CFAP57: variants seen among roughly 807,000 people sequenced by gnomAD.
CFAP57 encodes cilia and flagella associated protein 57, also known as cilia- and flagella-associated protein 57.
Under a neutral mutation model 146.8 loss-of-function variants are expected in CFAP57, and 116 were observed. The ratio of observed to expected loss-of-function variants is 0.79; its 90% CI spans 0.68 to 0.92. The LOEUF (loss-of-function observed/expected upper bound fraction) is 0.92. Ranked by LOEUF, CFAP57 falls within the 40% of genes least tolerant of loss-of-function variation. The pLI, the probability that CFAP57 is intolerant of heterozygous loss-of-function variation, is 0.00. For missense variants in CFAP57, 1,377 were observed against 1,527.2 expected, an observed-to-expected ratio of 0.90 and a Z score of 1.64; for synonymous variants, 518 against 552.8, an observed-to-expected ratio of 0.94 and a Z score of 0.88.
chr1:43,219,556 C>G lies in CFAP57; in HGVS notation c.2247+19C>G. ...AAACCAGGTCTGTTTAAGAGACTGA[C>G]CAACAAGCACAAATAACAAGAAATT... is the stretch of plus-strand genomic sequence containing the variant. On this transcript the variant is annotated intron_variant, in intron 13 of 22. Transcript: ENST00000372492. The G allele has an allele frequency of 6.5e-7, 1 of 1,550,128 alleles. No individual in the cohort carries two copies. Among genetic ancestry groups the G allele is most frequent in the Non-Finnish European group, 8.7e-7 (1 of 1,146,840 alleles).
chr1:43,179,896 ATTAAAAAATGT>A (rs781769674), intron 2 of CFAP57, among the ~76,000 whole-genome samples: 3 of 151,952 alleles, frequency 2.0e-5, no homozygotes, highest in Non-Finnish European at 4.4e-5. Flanking sequence ...CCCCTCCTTC[ATTAAAAAATGT>A]TTAAAAATAT....
chr1:43,185,596 C>T (rs1259938400), intron 5 of CFAP57, among the ~76,000 whole-genome samples: 4 of 148,518 alleles, frequency 2.7e-5, no homozygotes, highest in African/African-American at 1.0e-4. Flanking sequence ...AATCCCAGCA[C>T]TTTGGGAGGC....
intron 22 of CFAP57, among the ~76,000 whole-genome samples, chr1:43,248,800 C>G (rs1331777418): frequency 2.0e-5 from 3 of 152,034 alleles, no homozygotes; most frequent in Non-Finnish European, 4.4e-5. Flanking sequence ...AGCAAGAAAT[C>G]CTGAACTATC....
Position 43,172,406 on chromosome 1 carries a change from G to C in CFAP57, c.-67G>C, listed in dbSNP as rs1644997601. The C allele has an allele frequency of 6.4e-7, 1 of 1,551,486 alleles. No homozygotes were observed. Among genetic ancestry groups the C allele is most frequent in the African/African-American group, 1.4e-5 (1 of 73,080 alleles). On this transcript the variant is annotated 5_prime_UTR_variant, in exon 1 of 23. Coordinates refer to ENST00000372492, the MANE Select transcript of CFAP57 (RefSeq NM_001378189.1). ...GGGTTGCTTAGGATCCCTACAGGTA[G>C]CGCCTCTGGATACATGCGTGGTCTG... is the stretch of plus-strand genomic sequence containing the variant.
chr1:43,235,543 C>T (rs1042144163), intron 21 of CFAP57, among the ~76,000 whole-genome samples: 5 of 152,154 alleles, frequency 3.3e-5, no homozygotes, highest in South Asian at 4.1e-4. Context: ...CTGGGCAGAG[C>T]GCACTGTGAT....
intron 2 of CFAP57, 87 bp from the exon 3 acceptor site, chr1:43,181,447 C>G: frequency 6.7e-7 from 1 of 1,497,610 alleles, no homozygotes; most frequent in Non-Finnish European, 9.2e-7. Flanking sequence ...ACTGTCCACT[C>G]CAGTGCCCAC....
intron 9 of CFAP57, chr1:43,206,339 T>A: frequency 4.9e-6 from 1 of 205,004 alleles, no homozygotes. Context: ...CAAGTTGAGG[T>A]TCTTACCGTG....
chr1:43,254,017 G>T lies in CFAP57; in HGVS notation c.3579G>T (p.Arg1193Ser). 6.4e-7 allele frequency: 1 copy of T among 1,550,598 alleles called. No individual in the cohort carries two copies. Reference protein sequence around the residue: ...RDMLSTAPTARLNEQEETGRI... With the variant: ...RDMLSTAPTASLNEQEETGRI... ...TGCTCAGCACAGCTCCCACCGCAAG[G>T]TTGAATGAGCAAGAAGAAACTGGGA... The change falls in exon 23 of 23, where the codon AGG becomes AGT. Residue 1193 changes from arginine (R) to serine (S), a missense_variant. Physicochemically the swap from Arg to Ser is moderately radical, Grantham distance 110. Transcript: ENST00000372492.
intron 22 of CFAP57, among the ~76,000 whole-genome samples, chr1:43,245,828 G>A (rs1458120845): frequency 6.6e-6 from 1 of 152,064 alleles, no homozygotes; most frequent in East Asian, 1.9e-4. Flanking sequence ...AGGAGTTAAG[G>A]AAAATTTTTA....
At chr1:43,221,664 T>C (rs2124558138) in intron 14 of CFAP57, among the ~76,000 whole-genome samples, 199 bp downstream of exon 14, 1 of 152,302 alleles carries the variant, frequency 6.6e-6, no homozygotes, top group Non-Finnish European at 1.5e-5. Context: ...TAAACACCTA[T>C]TGCATGAAAG....
chr1:43,236,059 T>C (rs2124628353), intron 21 of CFAP57, among the ~76,000 whole-genome samples: 1 of 116,226 alleles, frequency 8.6e-6, no homozygotes, highest in Admixed American at 9.3e-5. Flanking sequence ...CAGGGTGGGG[T>C]AGAAAGCAGA....
At chr1:43,235,552 A>T (rs2124625860) in intron 21 of CFAP57, among the ~76,000 whole-genome samples, 1 of 152,296 alleles carries the variant, frequency 6.6e-6, no homozygotes, top group South Asian at 2.1e-4. Flanking sequence ...GCGCACTGTG[A>T]TTCAGGCCAG....
intron 21 of CFAP57, among the ~76,000 whole-genome samples, chr1:43,236,273 G>T (rs1204323757): frequency 6.6e-6 from 1 of 152,032 alleles, no homozygotes; most frequent in Non-Finnish European, 1.5e-5. Flanking sequence ...GTGGCAGGGG[G>T]TGCGGGTCTC....
In CFAP57 at chr1:43,222,835, C is replaced by T. The variant is rs766361509; in HGVS notation, c.2544C>T (p.Asp848=). The change falls in exon 16 of 23, where the codon GAC becomes GAT. Residue 848 remains aspartate, a synonymous_variant. Transcript: ENST00000372492. ...KTTLLEEAQE[D]VRQQLREFEE... ...TCTCTCTGAGCCAGGCACAGGAAGA[C>T]GTCAGGCAGCAGCTGCGGGAGTTTG... The T allele has an allele frequency of 1.8e-5, 28 of 1,543,294 alleles. No homozygotes were observed. The highest frequency in any genetic ancestry group is 8.5e-5 in the South Asian group (7 of 82,606).
At chr1:43,204,109 T>C (rs1322480995) in intron 9 of CFAP57, among the ~76,000 whole-genome samples, 1 of 152,244 alleles carries the variant, frequency 6.6e-6, no homozygotes, top group Non-Finnish European at 1.5e-5. Flanking sequence ...AAATCTACTG[T>C]TGAGCCTTCC....
chr1:43,222,157 G>A lies in CFAP57; in HGVS notation c.2394G>A (p.Leu798=). ...LLLEYEKYQE[L]QLKSQRMQEE... ...TAGAATATGAGAAGTACCAGGAGCT[G>A]CAGCTCAAGTCCCAGAGGATGCAGG... Residue 798 remains leucine, a synonymous_variant, in exon 15 of 23, where the codon CTG becomes CTA. Transcript: ENST00000372492. 6.5e-7 allele frequency: 1 copy of A among 1,548,618 alleles called. No individual in the cohort carries two copies. Among genetic ancestry groups the A allele is most frequent in the African/African-American group, 1.4e-5 (1 of 73,098 alleles).
intron 6 of CFAP57, 39 bp from the exon 7 acceptor site, chr1:43,197,514 G>A: frequency 6.2e-7 from 1 of 1,614,112 alleles, no homozygotes; most frequent in South Asian, 1.1e-5. Context: ...CCAGCCTTTT[G>A]CTTACTCTGC....
intron 4 of CFAP57, 98 bp downstream of exon 4, chr1:43,183,975 C>T (rs1440165281): frequency 8.7e-6 from 13 of 1,488,250 alleles, no homozygotes; most frequent in East Asian, 6.9e-5. Context: ...ACCCCTCTAC[C>T]GTAAAAGTCA....
At chr1:43,190,718 C>T (rs199579626) in intron 6 of CFAP57, among the ~76,000 whole-genome samples, 43 of 100,014 alleles carry the variant, frequency 4.3e-4, no homozygotes, top group African/African-American at 1.9e-3. Context: ...TTTTTTTTTT[C>T]CTGTGTCTAT....
Sources: gnomAD v4.1 joint callset for allele counts (sites outside exome capture counted in the v4.1 genomes callset) on GRCh38, gnomAD v4.1.1 for gene constraint, MANE v1.5 for transcripts, NCBI Gene and HGNC (gene_info 2026-07-23, HGNC 2026-07-21) for gene names.